Variants in REDIC1 observed in about 807,000 individuals in gnomAD.
The protein encoded by REDIC1 is HEI10 Interacting Protein 1.
At chr12:39,656,205 G>A in the REDIC1 span, among the ~76,000 whole-genome samples, 1 of 152,184 alleles carries the variant, frequency 6.6e-6, no homozygotes, top group Non-Finnish European at 1.5e-5. Flanking sequence ...CATAGAATGA[G>A]CTGGGAAGTA....
At chr12:39,781,062 T>C in the REDIC1 span, among the ~76,000 whole-genome samples, 1 of 152,212 alleles carries the variant, frequency 6.6e-6, no homozygotes, top group Admixed American at 6.5e-5. Context: ...ACATAATAGC[T>C]TCACAGATTA....
chr12:39,835,038 G>A, the REDIC1 span, among the ~76,000 whole-genome samples: 7 of 151,908 alleles, frequency 4.6e-5, no homozygotes, highest in African/African-American at 9.7e-5. Flanking sequence ...GATGAATTTC[G>A]GTAAGGTTTT....
the REDIC1 span, among the ~76,000 whole-genome samples, chr12:39,833,198 C>T: frequency 6.6e-6 from 1 of 152,070 alleles, no homozygotes; most frequent in African/African-American, 2.4e-5. Context: ...TTTATGACTG[C>T]CTTCATGCTT....
chr12:39,764,310 C>T, the REDIC1 span: 6 of 648,866 alleles, frequency 9.2e-6, no homozygotes, highest in African/African-American at 1.9e-5. Context: ...GACACATTTC[C>T]GATGCCTTTG....
chr12:39,706,382 AC>A, the REDIC1 span, among the ~76,000 whole-genome samples: 2 of 152,008 alleles, frequency 1.3e-5, no homozygotes, highest in Non-Finnish European at 2.9e-5. Context: ...TGTCCATACT[AC>A]CCTAAGCAAT....
the REDIC1 span, chr12:39,872,006 A>G: frequency 6.9e-7 from 1 of 1,446,424 alleles, no homozygotes; most frequent in Non-Finnish European, 9.2e-7. Context: ...AGTTACCCAA[A>G]GAAACAGGGT....
the REDIC1 span, among the ~76,000 whole-genome samples, chr12:39,651,526 A>G: frequency 6.6e-6 from 1 of 152,132 alleles, no homozygotes; most frequent in Non-Finnish European, 1.5e-5. Context: ...TAAAAGTTGT[A>G]CTTGATTCCT....
At chr12:39,785,631 G>C in the REDIC1 span, among the ~76,000 whole-genome samples, 4 of 152,092 alleles carry the variant, frequency 2.6e-5, 1 homozygote, top group African/African-American at 7.2e-5. Flanking sequence ...TAGATCCACC[G>C]ACAGCTTGCA....
the REDIC1 span, among the ~76,000 whole-genome samples, chr12:39,741,252 G>A: frequency 1.3e-5 from 2 of 152,096 alleles, no homozygotes; most frequent in Admixed American, 6.5e-5. Context: ...ATTTACATCT[G>A]TATTATTATG....
At chr12:39,692,217 T>C in the REDIC1 span, 42 of 1,102,286 alleles carry the variant, frequency 3.8e-5, no homozygotes, top group African/African-American at 5.6e-4. Flanking sequence ...CCAACAAATA[T>C]ATATCATGGA....
chr12:39,682,615 G>T, the REDIC1 span: 2 of 1,566,018 alleles, frequency 1.3e-6, no homozygotes, highest in South Asian at 1.2e-5. Flanking sequence ...CCAAAGTCTA[G>T]GAAATAGGAA....
the REDIC1 span, among the ~76,000 whole-genome samples, chr12:39,866,334 T>C: frequency 1.3e-4 from 20 of 152,222 alleles, no homozygotes; most frequent in Non-Finnish European, 2.8e-4. Flanking sequence ...CTGTAGTTTT[T>C]AGCTAGCTTT....
At chr12:39,805,932 A>G in the REDIC1 span, among the ~76,000 whole-genome samples, 2 of 152,228 alleles carry the variant, frequency 1.3e-5, no homozygotes, top group African/African-American at 4.8e-5. Flanking sequence ...TGAATCTAAC[A>G]GCAAGAGACA....
the REDIC1 span, among the ~76,000 whole-genome samples, chr12:39,664,654 A>G: frequency 1.1e-4 from 17 of 152,248 alleles, no homozygotes; most frequent in Admixed American, 1.0e-3. Context: ...TCACCACACC[A>G]TCTTCCACAA....
At chr12:39,676,571 A>T in the REDIC1 span, among the ~76,000 whole-genome samples, 2 of 152,214 alleles carry the variant, frequency 1.3e-5, no homozygotes, top group African/African-American at 4.8e-5. Context: ...GTCTTACTAG[A>T]GATCTAGATA....
the REDIC1 span, among the ~76,000 whole-genome samples, chr12:39,776,460 T>C: frequency 6.6e-6 from 1 of 152,318 alleles, no homozygotes; most frequent in Admixed American, 6.5e-5. Context: ...GGGTGGGTGC[T>C]GTATACCAGA....
chr12:39,843,124 G>T, the REDIC1 span, among the ~76,000 whole-genome samples: 1 of 151,786 alleles, frequency 6.6e-6, no homozygotes, highest in African/African-American at 2.4e-5. Flanking sequence ...CAGTTCTCTT[G>T]GGTATATGCC....
chr12:39,721,318 A>G, the REDIC1 span: 13 of 1,320,978 alleles, frequency 9.8e-6, no homozygotes, highest in Non-Finnish European at 1.4e-5. Context: ...TAAATGTTGA[A>G]AATTTCATTA....
At chr12:39,711,946 TATAC>T in the REDIC1 span, among the ~76,000 whole-genome samples, 7 of 128,560 alleles carry the variant, frequency 5.4e-5, no homozygotes, top group South Asian at 2.4e-4. Context: ...TATAGACATG[TATAC>T]ATACATATAT....
Sources: allele counts gnomAD v4.1 joint callset (sites outside exome capture counted in the v4.1 genomes callset), GRCh38; gene constraint gnomAD v4.1.1; transcripts MANE v1.5; gene names NCBI Gene and HGNC (gene_info 2026-07-23, HGNC 2026-07-21).